The following ALDH4A1 variants were observed in gnomAD, a reference collection of about 807,000 sequenced individuals.
ALDH4A1 encodes the protein delta-1-pyrroline-5-carboxylate dehydrogenase, mitochondrial.
A neutral mutation model predicts 70.5 loss-of-function variants in ALDH4A1; 46 were observed. That is an observed-to-expected ratio of 0.65 (90% CI 0.51 to 0.83). The LOEUF (loss-of-function observed/expected upper bound fraction) is 0.83, where lower values mean the gene tolerates loss of function less well. ALDH4A1 is among the 40% of genes least tolerant of loss of function. The pLI, the probability that ALDH4A1 is intolerant of heterozygous loss-of-function variation, is 0.00. For missense variants in ALDH4A1, 749 were observed against 766.5 expected (o/e 0.98, Z 0.27); for synonymous variants, 323 against 324.3 (o/e 1.00, Z 0.04).
intron 1 of ALDH4A1, among the ~76,000 whole-genome samples, chr1:18,894,971 G>A (rs536599064): frequency 1.3e-5 from 2 of 150,256 alleles, no homozygotes; most frequent in East Asian, 3.9e-4. Context: ...CACAGGACTT[G>A]GGGCCTCTCT....
At position 18,888,129 on chromosome 1, in the gene ALDH4A1, C is replaced by T. The variant is rs145165334; in HGVS notation, c.249+1233G>A. On this transcript the variant is annotated intron_variant, in intron 3 of 14. Transcript: ENST00000375341. ...ACAACCACACGTGGCGGCTCATGGCCGCTGGAACGGACAATGCAGATCTGG... is the reference window on the plus strand; with the variant it reads ...ACAACCACACGTGGCGGCTCATGGCTGCTGGAACGGACAATGCAGATCTGG... Among the ~76,000 whole-genome samples the T allele has an allele frequency of 1.4e-4, 22 of 152,314 alleles. No homozygotes were observed. The East Asian group carries it at 4.0e-3, about 28-fold the overall frequency.
chr1:18,892,793 T>TA (rs1292762401), intron 1 of ALDH4A1, among the ~76,000 whole-genome samples: 2 of 151,608 alleles, frequency 1.3e-5, no homozygotes, highest in African/African-American at 4.9e-5. Context: ...CCTCCCTCCC[T>TA]AAAACACTGA....
intron 8 of ALDH4A1, 102 bp downstream of exon 8, chr1:18,881,598 G>T: frequency 7.6e-7 from 1 of 1,319,610 alleles, no homozygotes. Context: ...AGTAGAGTCC[G>T]TGCATGACCC....
chr1:18,888,482 A>G (rs76401761), intron 3 of ALDH4A1, among the ~76,000 whole-genome samples: 4,387 of 152,350 alleles, frequency 0.029, 68 homozygotes, highest in Middle Eastern at 0.065. Flanking sequence ...AATGAAAATC[A>G]GCAGTATCCA....
intron 5 of ALDH4A1, among the ~76,000 whole-genome samples, chr1:18,884,183 C>G (rs571489582): frequency 6.6e-6 from 1 of 152,186 alleles, no homozygotes; most frequent in Admixed American, 6.5e-5. Flanking sequence ...TAAACTGATC[C>G]TAGACTGTCT....
Position 18,875,384 on chromosome 1 carries a change from A to ATC in ALDH4A1, c.1456_1457dup (p.Asp486GlufsTer13). The ATC allele has an allele frequency of 6.2e-7, 1 of 1,614,046 alleles. No individual in the cohort carries two copies. The highest frequency in any genetic ancestry group is 8.5e-7 in the Non-Finnish European group (1 of 1,179,996). ...AGGGCTGCGGCCTGGCCACTCACTT[A>ATC]TCCTGGGAGAACACTGCCCCCGTGA... is the stretch of plus-strand genomic sequence containing the variant. On this transcript the variant is annotated frameshift_variant, in exon 13 of 15. Coordinates refer to ENST00000375341, the MANE Select transcript of ALDH4A1 (RefSeq NM_003748.4). LOFTEE classifies it high-confidence loss of function.
rs751983201 is a variant in ALDH4A1, at chr1:18,876,380, C to T, written c.1273G>A (p.Val425Met). 21 of 1,613,652 alleles carry T rather than the reference C, an allele frequency of 1.3e-5. No homozygotes were observed. Among genetic ancestry groups the T allele is most frequent in the South Asian group, 5.5e-5 (5 of 91,074 alleles). Residue 425 changes from valine to methionine, a missense_variant, in exon 12 of 15, where the codon GTG (valine) becomes ATG (methionine). By Grantham distance (21) the Val-to-Met change is conservative. Transcript: ENST00000375341. The part of the protein sequence containing the change: ...ILAGGKCDDS[V>M]GYFVEPCIVE... Reference sequence around the variant, plus strand: ...ATGCAGGGCTCCACAAAGTAGCCCACGGAGTCATCACACTTGCCCCCGGCC... The same window carrying T: ...ATGCAGGGCTCCACAAAGTAGCCCATGGAGTCATCACACTTGCCCCCGGCC...
chr1:18,886,693 T>TG (rs1168487146), intron 3 of ALDH4A1, among the ~76,000 whole-genome samples, 182 bp from the exon 4 acceptor site: 1 of 152,114 alleles, frequency 6.6e-6, no homozygotes, highest in East Asian at 1.9e-4. Context: ...TTAAGGGTGC[T>TG]GGTGTACCCG....
chr1:18,884,891 C>T (rs1161140129), intron 5 of ALDH4A1, among the ~76,000 whole-genome samples: 5 of 152,142 alleles, frequency 3.3e-5, no homozygotes, highest in Admixed American at 3.3e-4. Context: ...GGCAGGAGGA[C>T]ACGTGGGCAG....
At position 18,885,486 on chromosome 1, in the gene ALDH4A1, G is replaced by T. The variant is rs1286766848; in HGVS notation, c.440C>A (p.Thr147Asn). The change falls in exon 5 of 15, where the codon ACC becomes AAC. Residue 147 changes from threonine to asparagine, a missense_variant. By Grantham distance (65) the Thr-to-Asn change is moderately conservative. Coordinates refer to ENST00000375341, the MANE Select transcript of ALDH4A1 (RefSeq NM_003748.4). Reference protein sequence around the residue: ...GPRRAEILAKTMVGQGKTVIQ... With the variant: ...GPRRAEILAKNMVGQGKTVIQ... ...CCAGCACCTCACCTGTCCCACCATG[G>T]TCTTGGCGAGGATCTCAGCCCTGCG... 5 of 1,321,904 alleles carry T rather than the reference G, an allele frequency of 3.8e-6. No homozygotes were observed. The highest frequency in any genetic ancestry group is 2.1e-4 in the Middle Eastern group (1 of 4,776). The allele number at this position is 1,321,904 out of a possible 1,614,324, so 81.9% of individuals were successfully genotyped here.
intron 1 of ALDH4A1, among the ~76,000 whole-genome samples, chr1:18,897,774 G>A (rs1935673440): frequency 6.6e-6 from 1 of 152,128 alleles, no homozygotes; most frequent in Admixed American, 6.5e-5. Context: ...GGTCAGGTGG[G>A]GCTGATGGGA....
At chr1:18,900,927 T>A in intron 1 of ALDH4A1, 1 of 984,112 alleles carries the variant, frequency 1.0e-6, no homozygotes, top group Non-Finnish European at 1.2e-6. Flanking sequence ...ATTATTGTTA[T>A]CATGGGCTTA....
intron 5 of ALDH4A1, among the ~76,000 whole-genome samples, chr1:18,884,099 C>A (rs1935098271): frequency 6.6e-6 from 1 of 152,168 alleles, no homozygotes; most frequent in South Asian, 2.1e-4. Flanking sequence ...GACACACAGC[C>A]CATGAAGCTG....
chr1:18,884,781 C>T (rs986064668), intron 5 of ALDH4A1, among the ~76,000 whole-genome samples: 3 of 152,178 alleles, frequency 2.0e-5, no homozygotes, highest in Non-Finnish European at 2.9e-5. Flanking sequence ...ATAGTCCTTT[C>T]GGCTGGAGAA....
chr1:18,872,892 C>T lies in ALDH4A1; in HGVS notation c.1645G>A (p.Glu549Lys). 1 of 1,614,118 alleles carries T rather than the reference C, an allele frequency of 6.2e-7. No homozygotes were observed. Residue 549 changes from glutamate to lysine, a missense_variant, in exon 15 of 15, where the codon GAG becomes AAG. By Grantham distance (56) the Glu-to-Lys change is moderately conservative. Coordinates refer to ENST00000375341, the MANE Select transcript of ALDH4A1 (RefSeq NM_003748.4). ...CAGTCCCCCAGGGGCTTATGTGTCT[C>T]CTTGATGACCTGCGGCGACGTCCAG... ...LRWTSPQVIK[E>K]THKPLGDWSY...
intron 5 of ALDH4A1, 36 bp downstream of exon 5, chr1:18,885,437 C>CA: frequency 9.7e-6 from 6 of 618,506 alleles, no homozygotes; most frequent in Admixed American, 4.6e-5. Flanking sequence ...TCCCACCCCA[C>CA]CCCGCCCCAC....
intron 5 of ALDH4A1, 37 bp downstream of exon 5, chr1:18,885,436 A>ACCCCCCCCCCCCCCCCCCCCCCCC: frequency 5.2e-6 from 2 of 386,870 alleles, no homozygotes; most frequent in Non-Finnish European, 8.7e-6. Context: ...CTCCCACCCC[A>ACCCCCCCCCCCCCCCCCCCCCCCC]CCCCGCCCCA....
intron 8 of ALDH4A1, among the ~76,000 whole-genome samples, chr1:18,881,041 G>A (rs1371379543): frequency 6.6e-6 from 1 of 152,160 alleles, no homozygotes; most frequent in African/African-American, 2.4e-5. Context: ...GCTCACCACT[G>A]AGCCTTAGTG....
intron 1 of ALDH4A1, among the ~76,000 whole-genome samples, chr1:18,900,548 C>G (rs140024871): frequency 6.6e-6 from 1 of 152,280 alleles, no homozygotes; most frequent in African/African-American, 2.4e-5. Context: ...GGGGGTGCCC[C>G]TGACATGCAG....
Sources: gnomAD v4.1 joint callset for allele counts (sites outside exome capture counted in the v4.1 genomes callset) on GRCh38, gnomAD v4.1.1 for gene constraint, MANE v1.5 for transcripts, NCBI Gene and HGNC (gene_info 2026-07-23, HGNC 2026-07-21) for gene names.